Variants in TCF12 observed in about 807,000 individuals in gnomAD.
The protein encoded by TCF12 is DNA-binding protein HTF4.
Under a neutral mutation model 86.0 loss-of-function variants are expected in TCF12, and 45 were observed. That is an observed-to-expected ratio of 0.52 (90% CI 0.41 to 0.67). The LOEUF is 0.67. TCF12 is among the 30% of genes least tolerant of loss of function. The pLI, the probability that TCF12 is intolerant of heterozygous loss-of-function variation, is 0.00. For synonymous variants in TCF12, 330 were observed against 299.6 expected, an observed-to-expected ratio of 1.10 and a Z score of -1.05; for missense variants, 881 against 859.9, an observed-to-expected ratio of 1.02 and a Z score of -0.31.
intron 3 of TCF12, among the ~76,000 whole-genome samples, chr15:56,923,515 C>A (rs1350185896): frequency 6.6e-6 from 1 of 151,976 alleles, no homozygotes; most frequent in Non-Finnish European, 1.5e-5. Context: ...GTGAAGTGTT[C>A]CTAAAGTGAC....
chr15:56,954,165 G>T (rs1296423879), intron 3 of TCF12, among the ~76,000 whole-genome samples: 1 of 151,740 alleles, frequency 6.6e-6, no homozygotes, highest in African/African-American at 2.4e-5. Context: ...TTAACTTACG[G>T]GTTATTTAGA....
chr15:56,964,946 C>T lies in TCF12; in HGVS notation c.148+43848C>T, dbSNP rs370754601. Among the ~76,000 whole-genome samples, 329 of 152,196 alleles carry T rather than the reference C, an allele frequency of 2.2e-3. 1 individual carries two copies. The highest frequency in any genetic ancestry group is 0.011 in the South Asian group (51 of 4,824). On this transcript the variant is annotated intron_variant, in intron 3 of 20. Coordinates refer to ENST00000333725, the MANE Select transcript of TCF12 (RefSeq NM_207037.2). ...GATACTCTTATTTTTAATGTTTGGT[C>T]CCAGAGCCAGTGATAATTTTGTATA...
In TCF12 at chr15:56,962,090, G is replaced by A. The variant is rs1422782516; in HGVS notation, c.148+40992G>A. Among the ~76,000 whole-genome samples, 22 of 140,546 alleles carry A rather than the reference G, an allele frequency of 1.6e-4. No homozygotes were observed. In the South Asian group the frequency reaches 3.3e-3, roughly 21 times the overall value. The allele number at this position is 140,546 out of a possible 152,430, so 92.2% of individuals were successfully genotyped here. On this transcript the variant is annotated intron_variant, in intron 3 of 20. Transcript: ENST00000333725. ...GGAGCTTGCAGTGAGCCGAGACTGCGCCACTGTACTCCAGCCTGGGTGACA... is the reference window on the plus strand; with the variant it reads ...GGAGCTTGCAGTGAGCCGAGACTGCACCACTGTACTCCAGCCTGGGTGACA...
At chr15:56,981,990 G>A (rs1020712241) in intron 3 of TCF12, among the ~76,000 whole-genome samples, 21 of 152,122 alleles carry the variant, frequency 1.4e-4, no homozygotes, top group Admixed American at 1.2e-3. Context: ...TACACTTGGT[G>A]TAGCTTTTAT....
In TCF12 at chr15:57,229,626, C is replaced by T. The variant is rs143151258; in HGVS notation, c.580-1526C>T. On this transcript the variant is annotated intron_variant, in intron 8 of 20. Coordinates refer to ENST00000333725, the MANE Select transcript of TCF12 (RefSeq NM_207037.2). ...TAACTAAGCTCATGTTAGACGAAAA[C>T]TGTAATGAACAGCATTTGAGTAGTG... Among the ~76,000 whole-genome samples, 13 of 151,986 alleles carry T rather than the reference C, an allele frequency of 8.6e-5. No individual in the cohort carries two copies. The East Asian group carries it at 1.5e-3, about 18-fold the overall frequency.
chr15:56,980,456 G>T (rs1283744884), intron 3 of TCF12, among the ~76,000 whole-genome samples: 1 of 152,106 alleles, frequency 6.6e-6, no homozygotes, highest in Non-Finnish European at 1.5e-5. Flanking sequence ...GAAGAGGATG[G>T]CCCCACAATA....
Position 56,995,231 on chromosome 15 carries a change from C to CTTTTTTTTTTTTTTT in TCF12, c.149-68505_149-68491dup, listed in dbSNP as rs557610511. On this transcript the variant is annotated intron_variant, in intron 3 of 20. Coordinates refer to ENST00000333725, the MANE Select transcript of TCF12 (RefSeq NM_207037.2). ...AAGTCAGGTAATGTGATACCTGCAGCTTTTTTTTTTTTTTTTTTTTTTTTT... is the reference window on the plus strand; with the variant it reads ...AAGTCAGGTAATGTGATACCTGCAGCTTTTTTTTTTTTTTTTTTTTTTTTTTTTTTTTTTTTTTTT... 4.7e-3 allele frequency among the ~76,000 whole-genome samples: 141 copies of CTTTTTTTTTTTTTTT among 30,298 alleles called. 33 individuals are homozygous for CTTTTTTTTTTTTTTT. The highest frequency in any genetic ancestry group is 0.071 in the Middle Eastern group (1 of 14). The allele number at this position is 30,298 out of a possible 152,430, so 19.9% of individuals were successfully genotyped here.
chr15:57,160,341 T>A (rs1387227395), intron 5 of TCF12, among the ~76,000 whole-genome samples: 1 of 152,122 alleles, frequency 6.6e-6, no homozygotes. Flanking sequence ...AAAAGTCCCT[T>A]ATAAAACCAT....
At chr15:56,949,096 T>C (rs904305945) in intron 3 of TCF12, among the ~76,000 whole-genome samples, 1 of 152,210 alleles carries the variant, frequency 6.6e-6, no homozygotes, top group Non-Finnish European at 1.5e-5. Flanking sequence ...AAAAAATACA[T>C]TGAAATTTTG....
intron 16 of TCF12, among the ~76,000 whole-genome samples, chr15:57,254,874 A>AAAAAAG (rs1555410242): frequency 2.8e-5 from 3 of 108,890 alleles, no homozygotes; most frequent in African/African-American, 5.8e-5. Flanking sequence ...AAAAAAAAAA[A>AAAAAAG]AAAGAAAGAA....
chr15:57,279,746 A>G (rs1396973444), intron 19 of TCF12, among the ~76,000 whole-genome samples: 3 of 152,172 alleles, frequency 2.0e-5, no homozygotes, highest in Non-Finnish European at 4.4e-5. Flanking sequence ...ATTTTCCATT[A>G]TAAAGAGAAA....
chr15:57,115,904 G>A (rs1461782999), intron 5 of TCF12, among the ~76,000 whole-genome samples: 2 of 152,088 alleles, frequency 1.3e-5, no homozygotes, highest in African/African-American at 2.4e-5. Flanking sequence ...AAACAAAGAT[G>A]TATTTCTTCC....
intron 3 of TCF12, among the ~76,000 whole-genome samples, chr15:57,014,656 A>G (rs1177813425): frequency 6.6e-6 from 1 of 152,102 alleles, no homozygotes; most frequent in Non-Finnish European, 1.5e-5. Flanking sequence ...CCTGCTAGGT[A>G]CACCCTCCAG....
At chr15:57,151,784 C>G (rs1194143172) in intron 5 of TCF12, among the ~76,000 whole-genome samples, 1 of 151,086 alleles carries the variant, frequency 6.6e-6, no homozygotes, top group African/African-American at 2.4e-5. Flanking sequence ...AAAAAAAAAG[C>G]CTGATAAACT....
intron 3 of TCF12, among the ~76,000 whole-genome samples, chr15:57,012,202 T>A (rs1332051304): frequency 6.6e-6 from 1 of 152,200 alleles, no homozygotes; most frequent in Admixed American, 6.5e-5. Context: ...AGACCATGAA[T>A]AATCTAACAT....
At chr15:57,218,063 G>C (rs1367627151) in intron 8 of TCF12, among the ~76,000 whole-genome samples, 2 of 152,104 alleles carry the variant, frequency 1.3e-5, no homozygotes, top group African/African-American at 2.4e-5. Flanking sequence ...GAAGTTAGTT[G>C]CCCTTATTGT....
At chr15:57,193,917 A>G (rs1479792949) in intron 7 of TCF12, among the ~76,000 whole-genome samples, 1 of 152,216 alleles carries the variant, frequency 6.6e-6, no homozygotes, top group Non-Finnish European at 1.5e-5. Flanking sequence ...TTATTAAAGA[A>G]AGGATAAATT....
rs763448121 is a variant in TCF12, at chr15:57,232,908, AC to A, written c.970+56del. The A allele has an allele frequency of 5.0e-6, 7 of 1,394,750 alleles. No individual in the cohort carries two copies. In the Admixed American group the frequency reaches 7.2e-5, roughly 14 times the overall value. 86.4% of individuals were successfully genotyped at this position (1,394,750 alleles called of 1,614,324 possible). On this transcript the variant is annotated intron_variant, in intron 11 of 20. Coordinates refer to ENST00000333725, the MANE Select transcript of TCF12 (RefSeq NM_207037.2). ...CCTAAAAGTTTGTGGACTTTCAGTG[AC>A]CCCGATATCTTTATATATATATATG...
chr15:57,236,192 C>T (rs2059373191), intron 12 of TCF12, among the ~76,000 whole-genome samples: 1 of 152,196 alleles, frequency 6.6e-6, no homozygotes, highest in Non-Finnish European at 1.5e-5. Flanking sequence ...CAAATCCCTT[C>T]CTTCAATCCA....
Sources: gnomAD v4.1 joint callset for allele counts (sites outside exome capture counted in the v4.1 genomes callset) on GRCh38, gnomAD v4.1.1 for gene constraint, MANE v1.5 for transcripts, NCBI Gene and HGNC (gene_info 2026-07-23, HGNC 2026-07-21) for gene names.